The following PITPNC1 variants were observed in gnomAD, a reference collection of about 807,000 sequenced individuals.
PITPNC1 encodes cytoplasmic phosphatidylinositol transfer protein 1.
PITPNC1 carries 18 observed loss-of-function variants against 44.7 expected under a neutral mutation model. The observed-to-expected ratio is 0.40, with a 90% CI of 0.28 to 0.60. PITPNC1 has a LOEUF of 0.60. Among genes scored for constraint, PITPNC1 ranks in the 20% least tolerant of loss-of-function variants. The probability of loss-of-function intolerance (pLI) is 0.39; values close to 1 mark genes in which losing one functional copy is unlikely to be tolerated. For missense variants in PITPNC1, 290 were observed against 418.4 expected (o/e 0.69, Z 2.68); for synonymous variants, 141 against 149.6 (o/e 0.94, Z 0.42).
intron 4 of PITPNC1, among the ~76,000 whole-genome samples, chr17:67,569,391 G>T (rs1335701503): frequency 1.3e-5 from 2 of 152,154 alleles, no homozygotes; most frequent in East Asian, 3.8e-4. Flanking sequence ...AATTATTCTT[G>T]CAGAGACCCA....
At chr17:67,408,173 G>A (rs2143835654) in intron 1 of PITPNC1, among the ~76,000 whole-genome samples, 1 of 152,088 alleles carries the variant, frequency 6.6e-6, no homozygotes, top group South Asian at 2.1e-4. Context: ...AGGCTGGCCT[G>A]GAACTCCTGA....
intron 5 of PITPNC1, among the ~76,000 whole-genome samples, chr17:67,610,114 TA>T (rs1369598147): frequency 8.5e-5 from 13 of 152,146 alleles, no homozygotes; most frequent in Non-Finnish European, 1.3e-4. Flanking sequence ...TCAAACATAA[TA>T]TGCCCAAAAT....
At chr17:67,594,189 G>T (rs1171510936) in intron 5 of PITPNC1, among the ~76,000 whole-genome samples, 1 of 152,176 alleles carries the variant, frequency 6.6e-6, no homozygotes, top group African/African-American at 2.4e-5. Context: ...GGACTTCGCT[G>T]TTCTGAACTT....
chr17:67,667,181 C>T (rs2042435606), intron 6 of PITPNC1, among the ~76,000 whole-genome samples: 1 of 152,076 alleles, frequency 6.6e-6, no homozygotes, highest in South Asian at 2.1e-4. Context: ...CAGGACTAGC[C>T]CCAAACCCAC....
At chr17:67,380,934 G>T (rs577950828) in intron 1 of PITPNC1, among the ~76,000 whole-genome samples, 6 of 152,026 alleles carry the variant, frequency 3.9e-5, no homozygotes, top group African/African-American at 1.4e-4. Flanking sequence ...CTGCCAACCC[G>T]GCTAATTTTT....
chr17:67,495,060 T>TG lies in PITPNC1; in HGVS notation c.49-37742_49-37741insG, dbSNP rs1432916428. On this transcript the variant is annotated intron_variant, in intron 1 of 8. Transcript: ENST00000581322. ...GAGTTGTTTTTTTTTTTGTTTTTTT[T>TG]TTTTTTTTTTTTTTGAGACGGAGTC... 5.4e-3 allele frequency among the ~76,000 whole-genome samples: 543 copies of TG among 99,780 alleles called. 17 individuals are homozygous for TG. The highest frequency in any genetic ancestry group is 0.018 in the African/African-American group (513 of 28,138). 65.5% of individuals were successfully genotyped at this position (99,780 alleles called of 152,430 possible). A position where few individuals can be genotyped will look rare whatever the true frequency, so the allele number is the denominator to read the frequency against.
intron 4 of PITPNC1, among the ~76,000 whole-genome samples, chr17:67,556,507 G>A (rs2040840023): frequency 6.6e-6 from 1 of 152,136 alleles, no homozygotes; most frequent in South Asian, 2.1e-4. Flanking sequence ...GGAAGAACTG[G>A]TCTCAGAGAC....
intron 4 of PITPNC1, among the ~76,000 whole-genome samples, chr17:67,576,706 C>A (rs1411431396): frequency 1.3e-5 from 2 of 152,170 alleles, no homozygotes; most frequent in Admixed American, 6.6e-5. Flanking sequence ...ATGCATAGGA[C>A]TTGACTCAGC....
intron 5 of PITPNC1, among the ~76,000 whole-genome samples, chr17:67,621,179 A>ATATTT (rs2041823972): frequency 7.0e-5 from 2 of 28,712 alleles, no homozygotes; most frequent in South Asian, 2.7e-3. Flanking sequence ...TGTCTGAAGC[A>ATATTT]CATTTTATTT....
At chr17:67,454,852 C>T (rs1313164190) in intron 1 of PITPNC1, among the ~76,000 whole-genome samples, 1 of 143,020 alleles carries the variant, frequency 7.0e-6, no homozygotes, top group Non-Finnish European at 1.5e-5. Context: ...CAGGGTCTCA[C>T]TGTGTCACCC....
intron 1 of PITPNC1, among the ~76,000 whole-genome samples, chr17:67,472,447 A>C (rs559878789): frequency 4.4e-4 from 66 of 150,792 alleles, no homozygotes; most frequent in African/African-American, 1.6e-3. Flanking sequence ...GGAGATCGAG[A>C]CCATCCTGGC....
intron 8 of PITPNC1, among the ~76,000 whole-genome samples, chr17:67,685,840 G>GT (rs959140999): frequency 2.0e-5 from 3 of 151,566 alleles, no homozygotes; most frequent in African/African-American, 4.8e-5. Flanking sequence ...TGGTTGGTTG[G>GT]TTTTTTTTGA....
intron 1 of PITPNC1, among the ~76,000 whole-genome samples, chr17:67,458,186 G>A (rs2039282610): frequency 1.3e-5 from 2 of 152,232 alleles, no homozygotes; most frequent in Non-Finnish European, 2.9e-5. Context: ...GGCTCTCCCT[G>A]CCTCCTCCTG....
chr17:67,379,415 G>A, intron 1 of PITPNC1: 1 of 978,586 alleles, frequency 1.0e-6, no homozygotes, highest in Non-Finnish European at 1.2e-6. Context: ...TACAATCCAA[G>A]ACAAGATCAA....
chr17:67,586,371 T>G (rs2041316359), intron 5 of PITPNC1, among the ~76,000 whole-genome samples: 1 of 148,804 alleles, frequency 6.7e-6, no homozygotes, highest in Admixed American at 6.8e-5. Flanking sequence ...TTACCTGAGG[T>G]CAGGAGTTTG....
At chr17:67,686,054 C>T (rs2042809667) in intron 8 of PITPNC1, among the ~76,000 whole-genome samples, 1 of 151,906 alleles carries the variant, frequency 6.6e-6, no homozygotes, top group African/African-American at 2.4e-5. Context: ...TGGTCTTGAA[C>T]TCCTGACCTC....
intron 1 of PITPNC1, among the ~76,000 whole-genome samples, chr17:67,471,225 TAA>T (rs921967653): frequency 1.1e-5 from 1 of 87,042 alleles, no homozygotes; most frequent in Non-Finnish European, 2.4e-5. Context: ...AAAAAAAATG[TAA>T]AAAAAAAAAA....
chr17:67,617,955 C>CG (rs2041780932), intron 5 of PITPNC1, among the ~76,000 whole-genome samples: 2 of 152,136 alleles, frequency 1.3e-5, no homozygotes, highest in South Asian at 2.1e-4. Context: ...ACATGAGATT[C>CG]GGGGGGACAC....
At chr17:67,573,732 C>T (rs952125191) in intron 4 of PITPNC1, among the ~76,000 whole-genome samples, 1 of 151,748 alleles carries the variant, frequency 6.6e-6, no homozygotes, top group Non-Finnish European at 1.5e-5. Flanking sequence ...CCAGTTAATT[C>T]TTGTATTTTT....
Sources: gnomAD v4.1 joint callset for allele counts (sites outside exome capture counted in the v4.1 genomes callset) on GRCh38, gnomAD v4.1.1 for gene constraint, MANE v1.5 for transcripts, NCBI Gene and HGNC (gene_info 2026-07-23, HGNC 2026-07-21) for gene names.